MAST4: variants seen among roughly 807,000 people sequenced by gnomAD.
The protein encoded by MAST4 is microtubule-associated serine/threonine-protein kinase 4.
A neutral mutation model predicts 162.7 loss-of-function variants in MAST4; 89 were observed. The observed-to-expected ratio is 0.55, with a 90% CI of 0.46 to 0.65. MAST4 has a LOEUF of 0.65. Ranked by LOEUF, MAST4 falls within the 30% of genes least tolerant of loss-of-function variation. The pLI, the probability that MAST4 is intolerant of heterozygous loss-of-function variation, is 0.00. For synonymous variants in MAST4, 1,479 were observed against 1,361.1 expected, an observed-to-expected ratio of 1.09 and a Z score of -1.91; for missense variants, 3,153 against 3,374.0, an observed-to-expected ratio of 0.93 and a Z score of 1.62.
At chr5:66,737,482 A>T (rs1401391614) in intron 1 of MAST4, among the ~76,000 whole-genome samples, 1 of 152,134 alleles carries the variant, frequency 6.6e-6, no homozygotes, top group African/African-American at 2.4e-5. Context: ...GGAGGGTACT[A>T]CCTCTTGAAA....
chr5:67,003,535 T>G (rs749570980), intron 4 of MAST4, among the ~76,000 whole-genome samples: 3 of 152,228 alleles, frequency 2.0e-5, no homozygotes, highest in Non-Finnish European at 4.4e-5. Context: ...ATTTACTGCA[T>G]GGACTAAGCC....
At position 66,826,722 on chromosome 5, in the gene MAST4, T is replaced by C. The variant is rs187564422; in HGVS notation, c.642+37928T>C. Among the ~76,000 whole-genome samples the C allele has an allele frequency of 2.0e-5, 3 of 152,168 alleles. No individual in the cohort carries two copies. The East Asian group carries it at 5.8e-4, about 29-fold the overall frequency. On this transcript the variant is annotated intron_variant, in intron 3 of 28. Transcript: ENST00000403625. ...TTGTAGTCCTCAGAGTAGAAGTGTA[T>C]ATGAGTACACCATGCTTGGCTTTTG...
intron 4 of MAST4, among the ~76,000 whole-genome samples, chr5:66,996,136 G>A (rs1750615286): frequency 6.6e-6 from 1 of 151,978 alleles, no homozygotes; most frequent in Non-Finnish European, 1.5e-5. Flanking sequence ...AAAATTAGCT[G>A]CGCATGGTGG....
chr5:66,901,809 A>G (rs1315140819), intron 4 of MAST4, among the ~76,000 whole-genome samples: 1 of 150,886 alleles, frequency 6.6e-6, no homozygotes, highest in Non-Finnish European at 1.5e-5. Flanking sequence ...AGAATTAATG[A>G]TGCCTCATAT....
intron 5 of MAST4, among the ~76,000 whole-genome samples, chr5:67,065,994 C>A (rs1385336390): frequency 2.0e-5 from 3 of 152,112 alleles, no homozygotes; most frequent in Non-Finnish European, 4.4e-5. Context: ...CATCAACACT[C>A]TGCACTGGAG....
chr5:66,957,148 G>A (rs544460976), intron 4 of MAST4, among the ~76,000 whole-genome samples: 5 of 152,262 alleles, frequency 3.3e-5, no homozygotes, highest in African/African-American at 9.6e-5. Context: ...ATATTCTAAT[G>A]TGTTTCCTGA....
At position 66,596,587 on chromosome 5, in the gene MAST4, T is replaced by G; in HGVS notation, c.-69T>G. The G allele has an allele frequency of 7.4e-7, 1 of 1,359,738 alleles. No homozygotes were observed. The highest frequency in any genetic ancestry group is 2.9e-5 in the East Asian group (1 of 34,550). 84.2% of individuals were successfully genotyped at this position (1,359,738 alleles called of 1,614,324 possible). ...GAGCCTGAGCCCAGGAGCCCGCGTC[T>G]TCCCCGGGAGGCGCTGAGTGCGCGC... is the stretch of plus-strand genomic sequence containing the variant. On this transcript the variant is annotated 5_prime_UTR_variant, in exon 1 of 29. Coordinates refer to ENST00000403625, the MANE Select transcript of MAST4 (RefSeq NM_001164664.2).
rs1176127841 is a variant in MAST4, at chr5:66,910,741, C to CTTTTTTTTTT, written c.674+10763_674+10772dup. On this transcript the variant is annotated intron_variant, in intron 4 of 28. Coordinates refer to ENST00000403625, the MANE Select transcript of MAST4 (RefSeq NM_001164664.2). The stretch of plus-strand genomic sequence containing the variant: ...GAATACACATGTGGTTTTTTTTTTT[C>CTTTTTTTTTT]TTTTTTTTTTTTTCTTTTTTTTTTT... Among the ~76,000 whole-genome samples the CTTTTTTTTTT allele has an allele frequency of 3.6e-3, 73 of 20,102 alleles. 3 individuals carry two copies. The highest frequency in any genetic ancestry group is 8.0e-3 in the African/African-American group (70 of 8,704). 13.2% of individuals were successfully genotyped at this position (20,102 alleles called of 152,430 possible).
chr5:67,078,919 T>TATATATATAATATATATATATATA (rs1554093912), intron 5 of MAST4, among the ~76,000 whole-genome samples: 2 of 65,868 alleles, frequency 3.0e-5, no homozygotes, highest in African/African-American at 1.6e-4. Flanking sequence ...TAAATATATA[T>TATATATATAATATATATATATATA]ATATATATAT....
chr5:66,839,313 A>G (rs1347123267), intron 3 of MAST4, among the ~76,000 whole-genome samples: 1 of 152,188 alleles, frequency 6.6e-6, no homozygotes, highest in African/African-American at 2.4e-5. Context: ...GCAGTTGGAT[A>G]TGTAGTTTTA....
chr5:67,044,445 A>G (rs1270880881), intron 4 of MAST4, among the ~76,000 whole-genome samples: 2 of 152,168 alleles, frequency 1.3e-5, no homozygotes, highest in African/African-American at 4.8e-5. Flanking sequence ...CACATTAATT[A>G]CTTTTTTACT....
chr5:67,078,937 T>TATATA (rs1561622697), intron 5 of MAST4, among the ~76,000 whole-genome samples: 3 of 95,398 alleles, frequency 3.1e-5, no homozygotes, highest in Non-Finnish European at 5.6e-5. Flanking sequence ...TATATATATA[T>TATATA]ATATATATAT....
At chr5:66,696,920 A>G (rs1402343640) in intron 1 of MAST4, among the ~76,000 whole-genome samples, 7 of 152,222 alleles carry the variant, frequency 4.6e-5, no homozygotes, top group Admixed American at 4.6e-4. Flanking sequence ...AGTAAAAAAA[A>G]TTCTTAATTT....
At chr5:66,606,149 C>A (rs995959551) in intron 1 of MAST4, among the ~76,000 whole-genome samples, 13 of 152,196 alleles carry the variant, frequency 8.5e-5, no homozygotes, top group South Asian at 2.1e-4. Context: ...TATCATCAGA[C>A]CTTTAAAAAG....
intron 7 of MAST4, among the ~76,000 whole-genome samples, chr5:67,098,550 G>C (rs2150838433): frequency 6.6e-6 from 1 of 152,196 alleles, no homozygotes; most frequent in South Asian, 2.1e-4. Flanking sequence ...CAAATGATAT[G>C]ATTTAATAAA....
intron 4 of MAST4, among the ~76,000 whole-genome samples, chr5:66,960,302 G>A (rs1436886467): frequency 6.6e-6 from 1 of 152,174 alleles, no homozygotes; most frequent in African/African-American, 2.4e-5. Flanking sequence ...ATGACATTCT[G>A]AAGTGAATAC....
chr5:66,745,347 T>A (rs1752689616), intron 1 of MAST4, among the ~76,000 whole-genome samples: 1 of 152,174 alleles, frequency 6.6e-6, no homozygotes. Context: ...AGGCCCACAT[T>A]ATGATGTATG....
At chr5:66,935,281 G>A (rs1266259733) in intron 4 of MAST4, among the ~76,000 whole-genome samples, 1 of 152,190 alleles carries the variant, frequency 6.6e-6, no homozygotes, top group Non-Finnish European at 1.5e-5. Flanking sequence ...CTTGCGGTTA[G>A]TCGTTAGATT....
At chr5:66,812,848 C>T (rs1756544331) in intron 3 of MAST4, among the ~76,000 whole-genome samples, 1 of 152,124 alleles carries the variant, frequency 6.6e-6, no homozygotes, top group South Asian at 2.1e-4. Flanking sequence ...CTTCCCTATT[C>T]TCTCCTTTTC....
Sources: gnomAD v4.1 joint callset for allele counts (sites outside exome capture counted in the v4.1 genomes callset) on GRCh38, gnomAD v4.1.1 for gene constraint, MANE v1.5 for transcripts, NCBI Gene and HGNC (gene_info 2026-07-23, HGNC 2026-07-21) for gene names.